Variants in DCLK1 observed in about 807,000 individuals in gnomAD.
DCLK1 encodes doublecortin like kinase 1.
In DCLK1, 16 loss-of-function variants were observed where a neutral mutation model predicts 86.2. The ratio of observed to expected loss-of-function variants is 0.19; its 90% CI spans 0.13 to 0.28. DCLK1 has a LOEUF of 0.28. Among genes scored for constraint, DCLK1 ranks in the 10% least tolerant of loss-of-function variants. The pLI, the probability that DCLK1 is intolerant of heterozygous loss-of-function variation, is 1.00. For synonymous variants in DCLK1, 369 were observed against 370.5 expected (o/e 1.00, Z 0.05); for missense variants, 590 against 940.2 (o/e 0.63, Z 4.87).
At chr13:36,032,332 G>A (rs1882316669) in intron 3 of DCLK1, among the ~76,000 whole-genome samples, 3 of 151,812 alleles carry the variant, frequency 2.0e-5, no homozygotes, top group Admixed American at 6.6e-5. Flanking sequence ...TAGTAGAGAC[G>A]GGGTTTCACC....
At chr13:35,975,174 T>C (rs979585578) in intron 3 of DCLK1, among the ~76,000 whole-genome samples, 1 of 152,116 alleles carries the variant, frequency 6.6e-6, no homozygotes, top group Non-Finnish European at 1.5e-5. Flanking sequence ...GCTGCCTAGA[T>C]CCAGGAGCAG....
chr13:35,855,791 CCCCATCCCGACA>C, intron 5 of DCLK1: 1 of 1,266,200 alleles, frequency 7.9e-7, no homozygotes, highest in South Asian at 3.3e-5. Flanking sequence ...CAACAGCAAC[CCCCATCCCGACA>C]CCACTCCCTT....
chr13:35,846,161 G>GT (rs567603778), intron 6 of DCLK1: 392 of 973,260 alleles, frequency 4.0e-4, no homozygotes, highest in Middle Eastern at 2.6e-3. Context: ...AACACAAAAT[G>GT]TTTTTTTTTA....
chr13:36,045,538 T>C (rs1339366369), intron 3 of DCLK1, among the ~76,000 whole-genome samples: 3 of 151,746 alleles, frequency 2.0e-5, no homozygotes, highest in Non-Finnish European at 2.9e-5. Flanking sequence ...AATTTGACTT[T>C]GCATATTTGA....
intron 11 of DCLK1, among the ~76,000 whole-genome samples, chr13:35,811,863 T>C (rs2087153368): frequency 6.6e-6 from 1 of 151,682 alleles, no homozygotes; most frequent in Non-Finnish European, 1.5e-5. Context: ...ACTTTAAAAA[T>C]GCAATTCTTT....
intron 12 of DCLK1, among the ~76,000 whole-genome samples, chr13:35,810,385 C>T (rs1284861373): frequency 1.3e-5 from 2 of 152,172 alleles, no homozygotes; most frequent in Non-Finnish European, 2.9e-5. Flanking sequence ...GGTGTTTGTA[C>T]TCCACGGAAA....
At chr13:36,107,285 T>A (rs114506622) in intron 3 of DCLK1, among the ~76,000 whole-genome samples, 38 of 151,754 alleles carry the variant, frequency 2.5e-4, no homozygotes, top group African/African-American at 9.2e-4. Context: ...GTTTTCCATA[T>A]TGGGAAAACA....
chr13:36,014,693 A>T (rs939412164), intron 3 of DCLK1, among the ~76,000 whole-genome samples: 1 of 152,234 alleles, frequency 6.6e-6, no homozygotes, highest in African/African-American at 2.4e-5. Flanking sequence ...TCTAGTCTGT[A>T]AAAAAATTAG....
At chr13:36,049,771 A>G (rs1424184911) in intron 3 of DCLK1, among the ~76,000 whole-genome samples, 1 of 152,198 alleles carries the variant, frequency 6.6e-6, no homozygotes, top group Non-Finnish European at 1.5e-5. Context: ...CCCTTATAAA[A>G]TTGGCTATGG....
At chr13:35,916,746 A>T (rs1171082) in intron 4 of DCLK1, among the ~76,000 whole-genome samples, 9 of 152,132 alleles carry the variant, frequency 5.9e-5, no homozygotes, top group African/African-American at 2.2e-4. Flanking sequence ...GTGAATATCT[A>T]TCTATCCCTA....
intron 4 of DCLK1, among the ~76,000 whole-genome samples, chr13:35,883,835 C>T (rs1873065972): frequency 6.6e-6 from 1 of 152,172 alleles, no homozygotes; most frequent in Admixed American, 6.5e-5. Context: ...AATCCCAGCT[C>T]ATATGCTCCT....
At chr13:35,954,587 C>T (rs1877879574) in intron 3 of DCLK1, among the ~76,000 whole-genome samples, 1 of 152,114 alleles carries the variant, frequency 6.6e-6, no homozygotes, top group Admixed American at 6.6e-5. Context: ...AACACATTCT[C>T]CATCCCTTCT....
intron 4 of DCLK1, among the ~76,000 whole-genome samples, chr13:35,884,387 T>C (rs1284492722): frequency 3.3e-5 from 5 of 152,144 alleles, no homozygotes; most frequent in Admixed American, 6.5e-5. Flanking sequence ...AGTTCATATA[T>C]ATTGTCAGCT....
chr13:35,887,076 C>T (rs1372052057), intron 4 of DCLK1, among the ~76,000 whole-genome samples: 2 of 152,200 alleles, frequency 1.3e-5, no homozygotes, highest in African/African-American at 4.8e-5. Flanking sequence ...TTCTGCGTTG[C>T]TTATATTTTT....
chr13:35,871,028 T>C (rs75674002), intron 5 of DCLK1, among the ~76,000 whole-genome samples, 196 bp downstream of exon 5: 59 of 152,322 alleles, frequency 3.9e-4, no homozygotes, highest in African/African-American at 1.3e-3. Context: ...AAGTACATTT[T>C]TTGAAGCTCA....
chr13:36,118,342 C>CTAA (rs1276458760), intron 2 of DCLK1, among the ~76,000 whole-genome samples: 1 of 152,168 alleles, frequency 6.6e-6, no homozygotes, highest in Admixed American at 6.5e-5. Flanking sequence ...GTGGATGTTA[C>CTAA]GAGGAGTACT....
intron 4 of DCLK1, among the ~76,000 whole-genome samples, chr13:35,912,857 G>A (rs1200609266): frequency 6.6e-6 from 1 of 152,138 alleles, no homozygotes; most frequent in Non-Finnish European, 1.5e-5. Context: ...AGCTAAGATA[G>A]CATTGTAACA....
chr13:35,830,312 G>A (rs938620950), intron 8 of DCLK1, among the ~76,000 whole-genome samples: 12 of 152,080 alleles, frequency 7.9e-5, no homozygotes, highest in Non-Finnish European at 1.5e-4. Flanking sequence ...GATTGCTTGA[G>A]CCCAGGAGGT....
intron 3 of DCLK1, among the ~76,000 whole-genome samples, chr13:36,023,161 A>C (rs1033359073): frequency 2.0e-5 from 3 of 152,218 alleles, no homozygotes; most frequent in Admixed American, 2.0e-4. Context: ...GGAGAGATAG[A>C]TAGATGTGCA....
Sources: allele counts gnomAD v4.1 joint callset (sites outside exome capture counted in the v4.1 genomes callset), GRCh38; gene constraint gnomAD v4.1.1; transcripts MANE v1.5; gene names NCBI Gene and HGNC (gene_info 2026-07-23, HGNC 2026-07-21).